The following KIAA1217 variants were observed in gnomAD, a reference collection of about 807,000 sequenced individuals.
The protein encoded by KIAA1217 is sickle tail protein homolog.
In KIAA1217, 88 loss-of-function variants were observed where a neutral mutation model predicts 163.9. The ratio of observed to expected loss-of-function variants is 0.54; its 90% CI spans 0.45 to 0.64. The LOEUF (loss-of-function observed/expected upper bound fraction) is 0.64, where lower values mean the gene tolerates loss of function less well. Ranked by LOEUF, KIAA1217 falls within the 30% of genes least tolerant of loss-of-function variation. The pLI is 0.00. For synonymous variants in KIAA1217, 903 were observed against 923.1 expected (o/e 0.98, Z 0.39); for missense variants, 2,372 against 2,475.0 (o/e 0.96, Z 0.88).
intron 6 of KIAA1217, among the ~76,000 whole-genome samples, chr10:24,483,946 A>G (rs2065019534): frequency 6.6e-6 from 1 of 151,812 alleles, no homozygotes; most frequent in African/African-American, 2.4e-5. Context: ...CCTAGATGTG[A>G]GTCACTAAGG....
chr10:24,040,826 C>T (rs1051483062), intron 2 of KIAA1217, among the ~76,000 whole-genome samples: 14 of 152,112 alleles, frequency 9.2e-5, no homozygotes, highest in African/African-American at 3.1e-4. Context: ...TTGAAAAAGA[C>T]GGGCTAAGGA....
chr10:24,122,516 T>TG (rs2063321309), intron 2 of KIAA1217, among the ~76,000 whole-genome samples: 1 of 152,176 alleles, frequency 6.6e-6, no homozygotes, highest in Admixed American at 6.5e-5. Context: ...AATGTACTGC[T>TG]ACCAGGTGAT....
intron 2 of KIAA1217, among the ~76,000 whole-genome samples, chr10:24,171,118 C>T (rs771148699): frequency 6.6e-6 from 1 of 152,246 alleles, no homozygotes; most frequent in Non-Finnish European, 1.5e-5. Context: ...GCACTTCATT[C>T]ACTCAAAGAC....
chr10:24,463,498 C>G (rs1283222125), intron 5 of KIAA1217, among the ~76,000 whole-genome samples: 1 of 152,182 alleles, frequency 6.6e-6, no homozygotes, highest in Non-Finnish European at 1.5e-5. Context: ...AAACAATAGG[C>G]TAACTAAAAC....
intron 2 of KIAA1217, among the ~76,000 whole-genome samples, chr10:24,337,956 A>G (rs989169391): frequency 1.3e-5 from 2 of 152,092 alleles, no homozygotes; most frequent in Admixed American, 6.5e-5. Flanking sequence ...AAACATTTTT[A>G]TGTTTGCCTT....
intron 2 of KIAA1217, among the ~76,000 whole-genome samples, chr10:24,329,977 A>C (rs1015104311): frequency 3.3e-5 from 5 of 152,162 alleles, no homozygotes; most frequent in Admixed American, 3.3e-4. Flanking sequence ...TAATTTACCT[A>C]AGGATTCAAA....
At position 24,373,777 on chromosome 10, in the gene KIAA1217, G is replaced by A. The variant is rs917465241; in HGVS notation, c.355-7092G>A. On this transcript the variant is annotated intron_variant, in intron 2 of 20. Coordinates refer to ENST00000376454, the MANE Select transcript of KIAA1217 (RefSeq NM_019590.5). Reference sequence around the variant, plus strand: ...GCATGGTGACAATGGGTTGGCAGAGGGGTCCTGCCTGGCTCACTTCGCTCC... The same window carrying A: ...GCATGGTGACAATGGGTTGGCAGAGAGGTCCTGCCTGGCTCACTTCGCTCC... 2.0e-5 allele frequency among the ~76,000 whole-genome samples: 3 copies of A among 152,174 alleles called. No homozygotes were observed. In the East Asian group the frequency reaches 5.8e-4, roughly 29 times the overall value.
At chr10:24,408,260 A>G (rs2057419938) in intron 3 of KIAA1217, among the ~76,000 whole-genome samples, 1 of 152,178 alleles carries the variant, frequency 6.6e-6, no homozygotes, top group East Asian at 1.9e-4. Context: ...AGTTGGGGGT[A>G]TTTTTGTTTT....
chr10:24,166,231 A>T (rs2065339507), intron 2 of KIAA1217, among the ~76,000 whole-genome samples: 1 of 151,978 alleles, frequency 6.6e-6, no homozygotes, highest in African/African-American at 2.4e-5. Flanking sequence ...TAAAGAAATC[A>T]CCTGTGAGAT....
At position 23,790,501 on chromosome 10, in the gene KIAA1217, G is replaced by GCATATATA. The variant is rs1491437902; in HGVS notation, c.-321+95273_-321+95280dup. 8.2e-5 allele frequency among the ~76,000 whole-genome samples: 7 copies of GCATATATA among 85,204 alleles called. 1 individual carries two copies. The highest frequency in any genetic ancestry group is 5.8e-4 in the African/African-American group (7 of 12,022). The allele number at this position is 85,204 out of a possible 152,430, so 55.9% of individuals were successfully genotyped here. ...TGTGCATATATACATATATACATGT[G>GCATATATA]CATATATACATATGTATATATACAT... is the stretch of plus-strand genomic sequence containing the variant. On this transcript the variant is annotated intron_variant, in intron 1 of 18. Transcript: ENST00000376462.
intron 2 of KIAA1217, chr10:24,042,033 A>T (rs992042937): frequency 6.6e-5 from 10 of 152,032 alleles, no homozygotes; most frequent in African/African-American, 2.2e-4. Flanking sequence ...CAGAACTGTC[A>T]CCGGCATCTT....
chr10:24,094,993 G>C (rs1473388735), intron 2 of KIAA1217, among the ~76,000 whole-genome samples: 5 of 152,174 alleles, frequency 3.3e-5, no homozygotes, highest in African/African-American at 1.2e-4. Context: ...TCAGACTGCT[G>C]TGCTAGCAAT....
intron 2 of KIAA1217, among the ~76,000 whole-genome samples, chr10:24,196,136 A>AACACAC (rs66954103): frequency 4.9e-5 from 7 of 144,316 alleles, no homozygotes; most frequent in African/African-American, 1.6e-4. Flanking sequence ...CCTGTCTCAA[A>AACACAC]ACACACACAC....
rs145755690 is a variant in KIAA1217, at chr10:23,730,763, A to G, written c.-321+35529A>G. Among the ~76,000 whole-genome samples, 93 of 150,222 alleles carry G rather than the reference A, an allele frequency of 6.2e-4. No individual in the cohort carries two copies. In the East Asian group the frequency reaches 9.7e-3, roughly 16 times the overall value. ...TTTTGAGGAGATGCTAATATAAATG[A>G]TAATGTGTTTTAATCTCAAATTCTT... On this transcript the variant is annotated intron_variant, in intron 1 of 18. Transcript: ENST00000376462.
intron 1 of KIAA1217, among the ~76,000 whole-genome samples, chr10:23,851,395 C>G (rs1839312613): frequency 6.6e-6 from 1 of 152,214 alleles, no homozygotes; most frequent in Admixed American, 6.5e-5. Flanking sequence ...GCCACATTTT[C>G]TTAATCCAGT....
chr10:23,756,571 A>G (rs2130846591), intron 1 of KIAA1217, among the ~76,000 whole-genome samples: 1 of 152,366 alleles, frequency 6.6e-6, no homozygotes. Flanking sequence ...TCTTGCATCA[A>G]AAACTTATGG....
At position 24,028,257 on chromosome 10, in the gene KIAA1217, T is replaced by C. The variant is rs1234897808; in HGVS notation, c.-171+20883T>C. On this transcript the variant is annotated intron_variant, in intron 2 of 18. Coordinates refer to the KIAA1217 transcript ENST00000376462. Reference sequence around the variant, plus strand: ...GGATGATTGATCAATTGATTATCCATGAGGAAAAAATGAACACTAAAAACA... The same window carrying C: ...GGATGATTGATCAATTGATTATCCACGAGGAAAAAATGAACACTAAAAACA... Among the ~76,000 whole-genome samples, 9 of 152,116 alleles carry C rather than the reference T, an allele frequency of 5.9e-5. No homozygotes were observed. In the East Asian group the frequency reaches 1.2e-3, roughly 20 times the overall value.
At chr10:24,225,810 A>G (rs1176283610) in intron 2 of KIAA1217, among the ~76,000 whole-genome samples, 2 of 152,234 alleles carry the variant, frequency 1.3e-5, no homozygotes, top group Admixed American at 1.3e-4. Flanking sequence ...TTTCTCACCT[A>G]GAATAATCTT....
Position 24,501,505 on chromosome 10 carries a change from C to T in KIAA1217, c.1961C>T (p.Ala654Val), listed in dbSNP as rs199737801. 73 of 1,613,718 alleles carry T rather than the reference C, an allele frequency of 4.5e-5. No individual in the cohort carries two copies. In the South Asian group the frequency reaches 7.2e-4, roughly 16 times the overall value. The change falls in exon 9 of 21, where the codon GCG (alanine) becomes GTG (valine). Residue 654 changes from alanine (A) to valine (V), a missense_variant. Physicochemically the swap from Ala to Val is moderately conservative, Grantham distance 64. This residue lies in a region of KIAA1217 where 1,431 missense variants were observed against 1,470.3 expected (regional missense o/e 0.97). Transcript: ENST00000376454. ...CTGCTTGAGATGAGGCGGAGCGTGG[C>T]GGAACTCAGGCTCCAGCTCCAGCAG... Reference protein sequence around the residue: ...MSLLEMRRSVAELRLQLQQMR... With the variant: ...MSLLEMRRSVVELRLQLQQMR...
Sources: gnomAD v4.1 joint callset for allele counts (sites outside exome capture counted in the v4.1 genomes callset) on GRCh38, gnomAD v4.1.1 for gene constraint, gnomAD v4.1.1 regional missense constraint, MANE v1.5 for transcripts, NCBI Gene and HGNC (gene_info 2026-07-23, HGNC 2026-07-21) for gene names.